The following NXPH1 variants were observed in gnomAD, a reference collection of about 807,000 sequenced individuals.
NXPH1 encodes neurexophilin 1.
In NXPH1, 5 loss-of-function variants were observed where a neutral mutation model predicts 23.7. The observed-to-expected ratio is 0.21, with a 90% CI of 0.11 to 0.44. The LOEUF is 0.44. Among genes scored for constraint, NXPH1 ranks in the 20% least tolerant of loss-of-function variants. NXPH1 has a pLI of 0.99. For synonymous variants in NXPH1, 144 were observed against 122.2 expected (o/e 1.18, Z -1.18); for missense variants, 324 against 321.6 (o/e 1.01, Z -0.06).
intron 2 of NXPH1, among the ~76,000 whole-genome samples, chr7:8,642,262 C>T (rs1178930560): frequency 6.6e-6 from 1 of 152,268 alleles, no homozygotes; most frequent in East Asian, 1.9e-4. Flanking sequence ...AATTGGAAAT[C>T]ATTTTTCTCT....
Position 8,435,566 on chromosome 7 carries a change from C to A in NXPH1, c.-110-38C>A, listed in dbSNP as rs1018417921. 1.5e-5 allele frequency: 11 copies of A among 710,944 alleles called. No individual in the cohort carries two copies. In the African/African-American group the frequency reaches 1.6e-4, roughly 10 times the overall value. The allele number at this position is 710,944 out of a possible 1,614,324, so 44.0% of individuals were successfully genotyped here. A position where few individuals can be genotyped will look rare whatever the true frequency, so the allele number is the denominator to read the frequency against. ...CTTGATTGTCAAGCCTAACCTTGCC[C>A]GCGTAGTCATGGGATGTCTAATTTT... On this transcript the variant is annotated intron_variant, in intron 1 of 2. Transcript: ENST00000405863. This position sits in a 1 kb window ranked among gnomAD's most constrained non-coding sequence, Gnocchi z 5.9.
At chr7:8,708,735 T>C (rs1779741711) in intron 2 of NXPH1, among the ~76,000 whole-genome samples, 2 of 152,202 alleles carry the variant, frequency 1.3e-5, no homozygotes, top group Admixed American at 1.3e-4. Flanking sequence ...ATTGGTGGTA[T>C]GCTATTATCA....
intron 2 of NXPH1, among the ~76,000 whole-genome samples, chr7:8,739,147 C>A (rs1345375990): frequency 1.6e-5 from 2 of 122,574 alleles, no homozygotes; most frequent in Non-Finnish European, 3.2e-5. Flanking sequence ...TTTCGTCTCA[C>A]TGGAGTTCCA....
At chr7:8,518,138 G>C (rs1817717167) in intron 2 of NXPH1, among the ~76,000 whole-genome samples, 3 of 152,064 alleles carry the variant, frequency 2.0e-5, no homozygotes, top group African/African-American at 7.2e-5. Flanking sequence ...TTATTAGATT[G>C]AAGTTAACAT....
intron 2 of NXPH1, among the ~76,000 whole-genome samples, chr7:8,700,576 A>G (rs138811985): frequency 1.3e-5 from 2 of 152,278 alleles, no homozygotes; most frequent in African/African-American, 4.8e-5. Flanking sequence ...ACCCTCAATT[A>G]AAAAGTACTT....
At chr7:8,587,689 T>C (rs1819007464) in intron 2 of NXPH1, among the ~76,000 whole-genome samples, 1 of 151,992 alleles carries the variant, frequency 6.6e-6, no homozygotes, top group African/African-American at 2.4e-5. Context: ...CCTGTGTCCA[T>C]GTGTTCTTAT....
At chr7:8,484,532 A>G (rs549495245) in intron 2 of NXPH1, among the ~76,000 whole-genome samples, 1 of 152,320 alleles carries the variant, frequency 6.6e-6, no homozygotes, top group South Asian at 2.1e-4. Flanking sequence ...TAGGATTTAC[A>G]TTAATGAATG....
chr7:8,721,622 C>CA (rs1288581659), intron 2 of NXPH1, among the ~76,000 whole-genome samples: 2 of 152,122 alleles, frequency 1.3e-5, no homozygotes, highest in Middle Eastern at 3.4e-3. Context: ...TAAAAAAATA[C>CA]AAAAAATTAG....
chr7:8,668,199 C>G (rs1039091812), intron 2 of NXPH1, among the ~76,000 whole-genome samples: 2 of 142,678 alleles, frequency 1.4e-5, no homozygotes, highest in African/African-American at 5.1e-5. Flanking sequence ...TTCTCCATTT[C>G]TTTGTGGTCA....
intron 2 of NXPH1, among the ~76,000 whole-genome samples, chr7:8,614,638 C>T (rs1051432700): frequency 6.6e-6 from 1 of 151,846 alleles, no homozygotes; most frequent in Non-Finnish European, 1.5e-5. Flanking sequence ...CTATAGTTTC[C>T]ATTTGGAAAA....
Position 8,435,777 on chromosome 7 carries a change from G to C in NXPH1, c.54+10G>C, listed in dbSNP as rs1816183150. ...GCCCACCGTCTACTTGGTAAGTCTT[G>C]GAAGGTTCGGGGCTTTCGCATTTTT... On this transcript the variant is annotated intron_variant, in intron 2 of 2. Coordinates refer to ENST00000405863, the MANE Select transcript of NXPH1 (RefSeq NM_152745.3). This position sits in a 1 kb window ranked among gnomAD's most constrained non-coding sequence, Gnocchi z 5.9. The C allele has an allele frequency of 4.3e-6, 7 of 1,613,700 alleles. No homozygotes were observed. The highest frequency in any genetic ancestry group is 4.5e-5 in the East Asian group (2 of 44,888).
intron 2 of NXPH1, among the ~76,000 whole-genome samples, chr7:8,505,078 A>G (rs773008547): frequency 7.2e-5 from 11 of 151,856 alleles, no homozygotes; most frequent in Admixed American, 3.3e-4. Context: ...AGGGGATCAA[A>G]TTTTTTTTAA....
At chr7:8,550,063 T>C (rs1818254528) in intron 2 of NXPH1, among the ~76,000 whole-genome samples, 1 of 151,590 alleles carries the variant, frequency 6.6e-6, no homozygotes, top group Non-Finnish European at 1.5e-5. Flanking sequence ...CAACCCAATT[T>C]TTAAATAGGA....
intron 2 of NXPH1, among the ~76,000 whole-genome samples, chr7:8,695,713 A>G (rs1249815826): frequency 6.6e-6 from 1 of 152,200 alleles, no homozygotes; most frequent in Non-Finnish European, 1.5e-5. Flanking sequence ...ACTACCATTG[A>G]CAAGAACTGT....
chr7:8,545,550 TAAAAC>T (rs1430046862), intron 2 of NXPH1, among the ~76,000 whole-genome samples: 5 of 151,472 alleles, frequency 3.3e-5, no homozygotes, highest in Non-Finnish European at 5.9e-5. Flanking sequence ...CTAATTAAAA[TAAAAC>T]AAAATACTAA....
At chr7:8,707,746 G>C (rs188563550) in intron 2 of NXPH1, among the ~76,000 whole-genome samples, 1 of 152,102 alleles carries the variant, frequency 6.6e-6, no homozygotes, top group Non-Finnish European at 1.5e-5. Flanking sequence ...CCTTGAGAAA[G>C]TCACTTAACC....
At chr7:8,524,765 T>C (rs1052280534) in intron 2 of NXPH1, among the ~76,000 whole-genome samples, 5 of 152,182 alleles carry the variant, frequency 3.3e-5, no homozygotes, top group Admixed American at 6.5e-5. Context: ...CACTTTTGCT[T>C]CATCCTCATT....
intron 2 of NXPH1, among the ~76,000 whole-genome samples, chr7:8,660,541 A>G (rs186512542): frequency 8.2e-4 from 125 of 152,376 alleles, no homozygotes; most frequent in African/African-American, 2.7e-3. Flanking sequence ...GAAGTTTTAA[A>G]AATGAATAAG....
intron 2 of NXPH1, among the ~76,000 whole-genome samples, chr7:8,712,375 T>C (rs1348830910): frequency 6.6e-6 from 1 of 152,230 alleles, no homozygotes; most frequent in African/African-American, 2.4e-5. Context: ...CCAGATTTCA[T>C]TTTGCAGCAT....
Sources: allele counts gnomAD v4.1 joint callset (sites outside exome capture counted in the v4.1 genomes callset), GRCh38; gene constraint gnomAD v4.1.1; non-coding constraint Gnocchi (gnomAD v3.1); transcripts MANE v1.5; gene names NCBI Gene and HGNC (gene_info 2026-07-23, HGNC 2026-07-21).